The following EPM2A variants were observed in gnomAD, a reference collection of about 807,000 sequenced individuals.
EPM2A encodes the protein laforin.
In EPM2A, 21 loss-of-function variants were observed where a neutral mutation model predicts 26.5. The observed-to-expected ratio is 0.79, with a 90% CI of 0.56 to 1.14. The LOEUF (loss-of-function observed/expected upper bound fraction) is 1.14. Among genes scored for constraint, EPM2A ranks in the 50% most tolerant of loss-of-function variants. The probability of loss-of-function intolerance (pLI) is 0.00; values close to 1 mark genes in which losing one functional copy is unlikely to be tolerated. For missense variants in EPM2A, 458 were observed against 440.8 expected, an observed-to-expected ratio of 1.04 and a Z score of -0.35; for synonymous variants, 217 against 177.6, an observed-to-expected ratio of 1.22 and a Z score of -1.76.
chr6:145,668,043 T>G (rs1015880968), intron 2 of EPM2A, among the ~76,000 whole-genome samples: 1 of 140,288 alleles, frequency 7.1e-6, no homozygotes, highest in Non-Finnish European at 1.6e-5. Context: ...AGGGATAGCA[T>G]TGGGAGATAT....
intron 4 of EPM2A, among the ~76,000 whole-genome samples, chr6:145,491,540 C>T (rs1222490651): frequency 5.3e-5 from 8 of 152,112 alleles, no homozygotes; most frequent in African/African-American, 1.7e-4. Flanking sequence ...TTTTCTTCTC[C>T]GGTCTCTGCC....
chr6:145,627,881 G>A (rs930805933), intron 3 of EPM2A, 188 bp from the exon 4 acceptor site: 33 of 778,884 alleles, frequency 4.2e-5, no homozygotes, highest in Non-Finnish European at 6.7e-5. Flanking sequence ...TAGCAAAGTG[G>A]AAAGAGCATT....
At chr6:145,649,639 A>C (rs1777732264) in intron 2 of EPM2A, among the ~76,000 whole-genome samples, 1 of 152,204 alleles carries the variant, frequency 6.6e-6, no homozygotes, top group Non-Finnish European at 1.5e-5. Context: ...AGCATCATTT[A>C]ATTCATTTCT....
intron 2 of EPM2A, among the ~76,000 whole-genome samples, chr6:145,592,589 C>T (rs1582881649): frequency 6.6e-6 from 1 of 151,764 alleles, no homozygotes. Flanking sequence ...AGTTTACAGT[C>T]CCACCAACAA....
At chr6:145,673,906 A>C (rs771824376) in intron 2 of EPM2A, among the ~76,000 whole-genome samples, 2 of 152,220 alleles carry the variant, frequency 1.3e-5, no homozygotes, top group Non-Finnish European at 2.9e-5. Flanking sequence ...TCCCTGTCTG[A>C]CAGCTCTGAA....
chr6:145,696,860 A>C (rs1781618812), intron 1 of EPM2A, among the ~76,000 whole-genome samples: 1 of 144,654 alleles, frequency 6.9e-6, no homozygotes, highest in Non-Finnish European at 1.5e-5. Context: ...GATTACTATG[A>C]TTATTGTTAT....
chr6:145,614,908 T>C lies in EPM2A; in HGVS notation c.340+20337A>G, dbSNP rs140178603. 2.6e-3 allele frequency among the ~76,000 whole-genome samples: 399 copies of C among 152,352 alleles called. 6 individuals are homozygous for C. Among genetic ancestry groups the C allele is most frequent in the African/African-American group, 9.2e-3 (381 of 41,584 alleles). On this transcript the variant is annotated intron_variant, in intron 2 of 3. Transcript: ENST00000450221. ...TTAGAAAAATGTCTCCAGTGGATTT[T>C]ATTGATGCATGGTTGCCACAAACCT...
At chr6:145,675,329 A>G (rs961746850) in intron 2 of EPM2A, among the ~76,000 whole-genome samples, 1 of 152,210 alleles carries the variant, frequency 6.6e-6, no homozygotes, top group African/African-American at 2.4e-5. Flanking sequence ...CACTGCAAAA[A>G]CATGCCAAAT....
At chr6:145,670,724 A>G (rs543623686) in intron 2 of EPM2A, among the ~76,000 whole-genome samples, 1 of 152,172 alleles carries the variant, frequency 6.6e-6, no homozygotes, top group South Asian at 2.1e-4. Flanking sequence ...TATATGAGAT[A>G]AAATATGTAT....
intron 2 of EPM2A, among the ~76,000 whole-genome samples, chr6:145,573,260 T>C: frequency 6.6e-6 from 1 of 152,226 alleles, no homozygotes. Context: ...GATATACCCC[T>C]GAGGTAGGAC....
At chr6:145,460,892 T>A (rs1224271861) in intron 4 of EPM2A, among the ~76,000 whole-genome samples, 2 of 152,022 alleles carry the variant, frequency 1.3e-5, no homozygotes, top group African/African-American at 2.4e-5. Flanking sequence ...TTAAAAAAAA[T>A]CCTAAACTTC....
intron 2 of EPM2A, chr6:145,671,215 A>G: frequency 9.8e-7 from 1 of 1,020,938 alleles, no homozygotes; most frequent in Non-Finnish European, 1.2e-6. Flanking sequence ...AAATCTTATC[A>G]TTATACAAGA....
rs540090019 is a variant in EPM2A at position 145,436,328 on chromosome 6, G to C, written c.556-52231C>G. On this transcript the variant is annotated intron_variant, in intron 4 of 4. Coordinates refer to the EPM2A transcript ENST00000638717. Reference sequence around the variant, plus strand: ...TTCATAGACAAGATTTTGTGTGAACGTATCTTTTCAATTCCCTTAGATATA... The same window carrying C: ...TTCATAGACAAGATTTTGTGTGAACCTATCTTTTCAATTCCCTTAGATATA... 9.9e-5 allele frequency among the ~76,000 whole-genome samples: 15 copies of C among 152,140 alleles called. 1 individual carries two copies. Among genetic ancestry groups the C allele is most frequent in the Non-Finnish European group, 2.2e-4 (15 of 68,020 alleles).
rs967580930 is a variant in EPM2A, at chr6:145,644,455, T to A, written c.477-8969A>T. Among the ~76,000 whole-genome samples, 3 of 152,302 alleles carry A rather than the reference T, an allele frequency of 2.0e-5. No homozygotes were observed. In the South Asian group the frequency reaches 6.2e-4, roughly 32 times the overall value. The stretch of plus-strand genomic sequence containing the variant: ...TATATTTTGAAAAGCTGCATAAGTT[T>A]TTTTTATATATGGATGCTGAAAATT... On this transcript the variant is annotated intron_variant, in intron 2 of 3. Coordinates refer to ENST00000367519, the MANE Select transcript of EPM2A (RefSeq NM_005670.4).
chr6:145,430,861 T>C (rs572306243), intron 4 of EPM2A, among the ~76,000 whole-genome samples: 6 of 152,320 alleles, frequency 3.9e-5, no homozygotes, highest in African/African-American at 1.4e-4. Context: ...AAAATATTCA[T>C]AGTTTCAGCC....
At chr6:145,525,724 A>T (rs1021172167) in intron 2 of EPM2A, among the ~76,000 whole-genome samples, 5 of 152,052 alleles carry the variant, frequency 3.3e-5, no homozygotes, top group Non-Finnish European at 5.9e-5. Context: ...CTAGGTATGG[A>T]ATAATATTTT....
At chr6:145,384,940 G>A (rs1163393750) in intron 4 of EPM2A, among the ~76,000 whole-genome samples, 3 of 147,352 alleles carry the variant, frequency 2.0e-5, no homozygotes, top group South Asian at 4.5e-4. Context: ...GTCTCCATAA[G>A]AACATAAATC....
chr6:145,521,563 G>A (rs1029130972), intron 2 of EPM2A, among the ~76,000 whole-genome samples: 6 of 152,184 alleles, frequency 3.9e-5, no homozygotes, highest in African/African-American at 7.2e-5. Flanking sequence ...TAAGTATAAT[G>A]AAGCAAGAGG....
chr6:145,463,516 A>T (rs1779351678), intron 4 of EPM2A: 1 of 152,062 alleles, frequency 6.6e-6, no homozygotes, highest in Admixed American at 6.6e-5. Context: ...ACATTTTTTT[A>T]CCAAATGTCA....
Sources: gnomAD v4.1 joint callset for allele counts (sites outside exome capture counted in the v4.1 genomes callset) on GRCh38, gnomAD v4.1.1 for gene constraint, MANE v1.5 for transcripts, NCBI Gene and HGNC (gene_info 2026-07-23, HGNC 2026-07-21) for gene names.